The following KATNAL1 variants were observed in gnomAD, a reference collection of about 807,000 sequenced individuals.
KATNAL1 encodes katanin catalytic subunit A1 like 1, also known as katanin p60 ATPase-containing subunit A-like 1.
A neutral mutation model predicts 55.2 loss-of-function variants in KATNAL1; 32 were observed. The observed-to-expected ratio is 0.58, with a 90% CI of 0.44 to 0.78. The LOEUF is 0.78. Ranked by LOEUF, KATNAL1 falls within the 30% of genes least tolerant of loss-of-function variation. The probability of loss-of-function intolerance (pLI) is 0.00; values close to 1 mark genes in which losing one functional copy is unlikely to be tolerated. For missense variants in KATNAL1, 466 were observed against 600.9 expected (o/e 0.78, Z 2.35); for synonymous variants, 193 against 193.6 (o/e 1.00, Z 0.02).
chr13:30,276,826 G>C (rs1387298063), intron 3 of KATNAL1, among the ~76,000 whole-genome samples: 6 of 152,118 alleles, frequency 3.9e-5, no homozygotes. Context: ...AAAGAGACTT[G>C]GGTTCAAATC....
chr13:30,261,447 T>C (rs1371495624), intron 3 of KATNAL1, among the ~76,000 whole-genome samples: 1 of 152,160 alleles, frequency 6.6e-6, no homozygotes, highest in African/African-American at 2.4e-5. Flanking sequence ...TCAAGACCCA[T>C]CAGTGTGCTG....
intron 1 of KATNAL1, among the ~76,000 whole-genome samples, chr13:30,291,190 T>A (rs9671205): frequency 0.017 from 2,556 of 152,188 alleles, 69 homozygotes; most frequent in African/African-American, 0.057. Context: ...GTGGAGAAAA[T>A]CCTAGGGAAT....
intron 3 of KATNAL1, among the ~76,000 whole-genome samples, chr13:30,270,956 C>G (rs1480271387): frequency 1.3e-5 from 2 of 151,100 alleles, no homozygotes; most frequent in Non-Finnish European, 3.0e-5. Context: ...ATAAAGCTGA[C>G]TAAGGGAACA....
At chr13:30,260,192 A>G (rs1009076562) in intron 3 of KATNAL1, among the ~76,000 whole-genome samples, 7 of 152,336 alleles carry the variant, frequency 4.6e-5, no homozygotes, top group African/African-American at 1.7e-4. Flanking sequence ...TAACAAACAG[A>G]AAGGACATCC....
At chr13:30,221,894 G>A (rs925214042) in intron 9 of KATNAL1, among the ~76,000 whole-genome samples, 6 of 152,026 alleles carry the variant, frequency 3.9e-5, no homozygotes, top group African/African-American at 1.4e-4. Context: ...TCTATTAAAA[G>A]TATAAAATTA....
At chr13:30,238,041 C>G (rs188830605) in intron 6 of KATNAL1, among the ~76,000 whole-genome samples, 1 of 152,284 alleles carries the variant, frequency 6.6e-6, no homozygotes, top group Admixed American at 6.5e-5. Flanking sequence ...CACTTCTGAA[C>G]GTGCTCTTTG....
intron 1 of KATNAL1, among the ~76,000 whole-genome samples, chr13:30,300,490 T>C (rs1485915949): frequency 6.6e-6 from 1 of 152,122 alleles, no homozygotes; most frequent in Non-Finnish European, 1.5e-5. Context: ...CAATGAATTT[T>C]ATCAATATGT....
intron 1 of KATNAL1, among the ~76,000 whole-genome samples, chr13:30,295,372 A>T (rs1209042890): frequency 1.3e-5 from 2 of 152,204 alleles, no homozygotes; most frequent in Non-Finnish European, 2.9e-5. Context: ...TCAAGACTTT[A>T]TTGGAGGAAA....
intron 3 of KATNAL1, among the ~76,000 whole-genome samples, chr13:30,262,207 G>A (rs1377853495): frequency 4.0e-5 from 6 of 151,188 alleles, no homozygotes; most frequent in South Asian, 2.1e-4. Context: ...TCTCTGGGAC[G>A]CATTCAAAGC....
At chr13:30,285,497 T>TC (rs1881719853) in intron 1 of KATNAL1, among the ~76,000 whole-genome samples, 1 of 152,136 alleles carries the variant, frequency 6.6e-6, no homozygotes, top group African/African-American at 2.4e-5. Context: ...AGAGGTGCCT[T>TC]CCCCCATGAT....
chr13:30,246,422 C>G (rs1275096381), intron 4 of KATNAL1, among the ~76,000 whole-genome samples: 1 of 152,124 alleles, frequency 6.6e-6, no homozygotes, highest in Admixed American at 6.5e-5. Flanking sequence ...TAAACTAACA[C>G]CTAAAACCAT....
rs543687549 is a variant in KATNAL1 at position 30,270,238 on chromosome 13, G to A, written c.323+9825C>T. ...CCCCGCCCGGCCAGCCGCCCCGTCC[G>A]GGAGGGAGGTTGGGGGGTCAGCCCC... On this transcript the variant is annotated intron_variant, in intron 3 of 10. Transcript: ENST00000380615. 5.8e-4 allele frequency among the ~76,000 whole-genome samples: 79 copies of A among 136,348 alleles called. 5 individuals carry two copies. Among genetic ancestry groups the A allele is most frequent in the East Asian group, 3.1e-3 (13 of 4,178 alleles). The allele number at this position is 136,348 out of a possible 152,430, so 89.4% of individuals were successfully genotyped here. A position where few individuals can be genotyped will look rare whatever the true frequency, so the allele number is the denominator to read the frequency against.
chr13:30,269,865 C>T lies in KATNAL1; in HGVS notation c.323+10198G>A, dbSNP rs528099470. Among the ~76,000 whole-genome samples the T allele has an allele frequency of 9.5e-3, 1,435 of 150,766 alleles. 21 individuals are homozygous for T. The highest frequency in any genetic ancestry group is 0.032 in the African/African-American group (1,298 of 40,908). ...GCCACCCCGTCTGGGAAGTGAGGAGCGTCTCCGCCCGGCAGCCACCCCGTC... is the reference window on the plus strand; with the variant it reads ...GCCACCCCGTCTGGGAAGTGAGGAGTGTCTCCGCCCGGCAGCCACCCCGTC... On this transcript the variant is annotated intron_variant, in intron 3 of 10. Coordinates refer to ENST00000380615, the MANE Select transcript of KATNAL1 (RefSeq NM_032116.5).
chr13:30,249,790 C>T (rs995313648), intron 4 of KATNAL1, among the ~76,000 whole-genome samples: 3 of 152,078 alleles, frequency 2.0e-5, no homozygotes, highest in African/African-American at 7.2e-5. Flanking sequence ...TTTCTTGACC[C>T]CAGAGCTGAT....
intron 3 of KATNAL1, among the ~76,000 whole-genome samples, chr13:30,269,129 C>T (rs1257055016): frequency 1.3e-5 from 2 of 152,188 alleles, no homozygotes; most frequent in East Asian, 1.9e-4. Context: ...CCTCTGATGC[C>T]GAGCCGAAGC....
At chr13:30,255,386 A>G (rs1330155256) in intron 4 of KATNAL1, 61 bp downstream of exon 4, 2 of 1,327,152 alleles carry the variant, frequency 1.5e-6, no homozygotes, top group African/African-American at 1.5e-5. Flanking sequence ...AACAAAAATC[A>G]TAACATCCAC....
At chr13:30,280,653 A>G (rs1566125956) in intron 2 of KATNAL1, among the ~76,000 whole-genome samples, 1 of 152,190 alleles carries the variant, frequency 6.6e-6, no homozygotes, top group Non-Finnish European at 1.5e-5. Context: ...CACTAAATAT[A>G]AAACGCCTGT....
rs1262392121 is a variant in KATNAL1, at chr13:30,205,859, GTGTC to G, written c.*2677_*2680del. ...TGTGTGTGTGTATGTGTGTGTATGT[GTGTC>G]TGTCTCACGCCTGTAATCCTAGCAC... On this transcript the variant is annotated 3_prime_UTR_variant, in exon 11 of 11. Transcript: ENST00000380615. The G allele has an allele frequency of 1.3e-5, 2 of 151,072 alleles. No homozygotes were observed. The highest frequency in any genetic ancestry group is 5.1e-5 in the African/African-American group (2 of 39,388). The allele number at this position is 151,072 out of a possible 1,614,324, so 9.4% of individuals were successfully genotyped here. A position where few individuals can be genotyped will look rare whatever the true frequency, so the allele number is the denominator to read the frequency against.
intron 4 of KATNAL1, among the ~76,000 whole-genome samples, chr13:30,250,272 CA>C (rs1878174614): frequency 6.6e-6 from 1 of 152,178 alleles, no homozygotes; most frequent in African/African-American, 2.4e-5. Context: ...AAAAGCATGT[CA>C]TTTTTGCTGT....
Sources: gnomAD v4.1 joint callset for allele counts (sites outside exome capture counted in the v4.1 genomes callset) on GRCh38, gnomAD v4.1.1 for gene constraint, MANE v1.5 for transcripts, NCBI Gene and HGNC (gene_info 2026-07-23, HGNC 2026-07-21) for gene names.